HEPH: variants seen among roughly 807,000 people sequenced by gnomAD.
HEPH encodes the protein hephaestin.
In HEPH, 69 loss-of-function variants were observed where a neutral mutation model predicts 80.8. The observed-to-expected ratio is 0.85, with a 90% CI of 0.70 to 1.04. The LOEUF (loss-of-function observed/expected upper bound fraction) is 1.04. HEPH is among the 50% of genes least tolerant of loss of function. HEPH has a pLI of 0.00. For missense variants in HEPH, 1,115 were observed against 891.3 expected (o/e 1.25, Z -3.20); for synonymous variants, 431 against 322.8 (o/e 1.34, Z -3.60).
chrX:66,206,932 G>T (rs182276495), intron 13 of HEPH, among the ~76,000 whole-genome samples: 1 of 109,954 alleles, frequency 9.1e-6, no homozygotes, highest in Non-Finnish European at 1.9e-5. Context: ...CAGGATAATC[G>T]CTTGAACTCG....
intron 4 of HEPH, among the ~76,000 whole-genome samples, chrX:66,186,860 T>G (rs190849953): frequency 9.0e-4 from 101 of 111,729 alleles, no homozygotes; most frequent in Non-Finnish European, 1.7e-3. Context: ...GGAATACCAA[T>G]TATTCTTTAG....
rs141458617 is a variant in HEPH, at chrX:66,189,908, A to G, written c.1033A>G (p.Ile345Val). Residue 345 changes from isoleucine (I) to valine (V), a missense_variant, in exon 6 of 21, where the codon ATT (isoleucine) becomes GTT (valine). Around this residue, in one of 3 missense-constraint regions of HEPH, gnomAD observed 391 missense variants for 343.6 expected, o/e 1.14. Coordinates refer to ENST00000343002, the MANE Select transcript of HEPH (RefSeq NM_001367233.3). Reference protein sequence around the residue: ...MVPWEPGTWLISCQVNSHFRD... With the variant: ...MVPWEPGTWLVSCQVNSHFRD... ...GCCCTGGGAACCTGGTACCTGGTTA[A>G]TTAGCTGCCAAGTGAACAGTCACTT... 281 of 1,185,276 alleles carry G rather than the reference A, an allele frequency of 2.4e-4. 1 individual carries two copies. In the East Asian group the frequency reaches 5.4e-3, roughly 23 times the overall value.
chrX:66,217,509 A>G (rs1403866900), intron 15 of HEPH, among the ~76,000 whole-genome samples: 1 of 111,830 alleles, frequency 8.9e-6, no homozygotes. Context: ...CTACCAAGTC[A>G]GCACTACAAG....
intron 15 of HEPH, among the ~76,000 whole-genome samples, chrX:66,224,598 C>T (rs185417953): frequency 1.6e-4 from 18 of 112,122 alleles, no homozygotes; most frequent in Admixed American, 4.7e-4. Context: ...GCTCTTGCTG[C>T]TATAGATTGA....
intron 13 of HEPH, 22 bp downstream of exon 13, chrX:66,203,599 G>A (rs1602326366): frequency 1.5e-5 from 17 of 1,170,142 alleles, no homozygotes; most frequent in Non-Finnish European, 1.7e-5. Flanking sequence ...TAAATGGAGA[G>A]ATTACACTTT....
chrX:66,231,083 T>C (rs992265203), intron 15 of HEPH, among the ~76,000 whole-genome samples: 8 of 109,427 alleles, frequency 7.3e-5, no homozygotes, highest in Non-Finnish European at 1.1e-4. Context: ...GATCAGATAG[T>C]TGTAGGTATG....
intron 17 of HEPH, among the ~76,000 whole-genome samples, chrX:66,258,256 T>G (rs1452736792): frequency 8.9e-6 from 1 of 111,836 alleles, no homozygotes; most frequent in Non-Finnish European, 1.9e-5. Flanking sequence ...ATGCAGACAG[T>G]ACTGGAGGAG....
chrX:66,176,416 G>A (rs767583529), intron 4 of HEPH, among the ~76,000 whole-genome samples: 2 of 111,509 alleles, frequency 1.8e-5, no homozygotes, highest in Admixed American at 9.5e-5. Context: ...TTGTTATGTT[G>A]TTGGATTCCA....
intron 15 of HEPH, among the ~76,000 whole-genome samples, chrX:66,217,121 G>A (rs993534054): frequency 5.4e-5 from 6 of 111,238 alleles, no homozygotes; most frequent in Non-Finnish European, 1.1e-4. Context: ...GGGAATAATA[G>A]AGGAACATTT....
At chrX:66,193,423 C>A in intron 7 of HEPH, 79 bp from the exon 8 acceptor site, 1 of 627,300 alleles carries the variant, frequency 1.6e-6, no homozygotes, top group Non-Finnish European at 2.3e-6. Context: ...AGATTCATAA[C>A]TTGGTGAGAC....
At position 66,170,726 on chromosome X, in the gene HEPH, G is replaced by C. The variant is rs763870924; in HGVS notation, c.156G>C (p.Leu52=). 1.3e-4 allele frequency: 162 copies of C among 1,206,554 alleles called. No homozygotes were observed. Among genetic ancestry groups the C allele is most frequent in the Non-Finnish European group, 1.8e-4 (157 of 893,012 alleles). ...GAAATGTCATCACGAACCAGCCTCT[G>C]GACAGTGACATGTAGGTTTAATTTC... ...KGRNVITNQP[L]DSDIVASSFL... is the part of the protein sequence containing the mutation. Residue 52 remains leucine (L), a synonymous_variant, in exon 2 of 21, where the codon CTG becomes CTC. Transcript: ENST00000343002.
Position 66,224,409 on chromosome X carries a change from G to T in HEPH, c.2563+16163G>T, listed in dbSNP as rs191841551. 2.9e-3 allele frequency among the ~76,000 whole-genome samples: 314 copies of T among 110,028 alleles called. 1 individual carries two copies. Among genetic ancestry groups the T allele is most frequent in the African/African-American group, 1.0e-2 (301 of 30,184 alleles). On this transcript the variant is annotated intron_variant, in intron 15 of 20. Transcript: ENST00000343002. ...TCCTCCTAGGTCTGGTTGGAACTTTGTATGGTAATTAAGATTTAGTTCCCC... is the reference window on the plus strand; with the variant it reads ...TCCTCCTAGGTCTGGTTGGAACTTTTTATGGTAATTAAGATTTAGTTCCCC...
intron 15 of HEPH, among the ~76,000 whole-genome samples, chrX:66,208,794 A>G (rs1210212650): frequency 9.5e-6 from 1 of 105,561 alleles, no homozygotes; most frequent in African/African-American, 3.4e-5. Flanking sequence ...CTTGGCTAAT[A>G]TTCCTGTTTC....
intron 1 of HEPH, among the ~76,000 whole-genome samples, chrX:66,166,709 G>A (rs1176209082): frequency 8.9e-6 from 1 of 111,959 alleles, no homozygotes; most frequent in East Asian, 2.8e-4. Context: ...TAGATATAGA[G>A]TAAAACAGTA....
intron 20 of HEPH, among the ~76,000 whole-genome samples, chrX:66,265,615 T>A (rs1020470038): frequency 1.7e-4 from 19 of 111,082 alleles, no homozygotes; most frequent in African/African-American, 6.2e-4. Flanking sequence ...AGAACAATTG[T>A]CTAATGAAAT....
At chrX:66,206,691 A>T (rs1038666819) in intron 13 of HEPH, among the ~76,000 whole-genome samples, 3 of 109,799 alleles carry the variant, frequency 2.7e-5, no homozygotes, top group Admixed American at 2.0e-4. Flanking sequence ...AATTGTGGTT[A>T]TGCAGCCAAT....
intron 15 of HEPH, among the ~76,000 whole-genome samples, chrX:66,214,758 A>G (rs780866743): frequency 9.1e-6 from 1 of 110,349 alleles, no homozygotes; most frequent in Non-Finnish European, 1.9e-5. Context: ...AAACCATTCA[A>G]CTTTCCCCCC....
At position 66,197,818 on chromosome X, in the gene HEPH, T is replaced by G; in HGVS notation, c.1637T>G (p.Ile546Arg). Reference sequence around the variant, plus strand: ...ATGTACTTCTCTGCTGCAGATCCCATAAGAGACACAAATTCTGGCCTGGTG... The same window carrying G: ...ATGTACTTCTCTGCTGCAGATCCCAGAAGAGACACAAATTCTGGCCTGGTG... The part of the protein sequence containing the change: ...TWMYFSAADP[I>R]RDTNSGLVGP... Residue 546 changes from isoleucine to arginine, a missense_variant, in exon 10 of 21, where the codon ATA becomes AGA. Physicochemically the swap from Ile to Arg is moderately conservative, Grantham distance 97. Coordinates refer to ENST00000343002, the MANE Select transcript of HEPH (RefSeq NM_001367233.3). 1 of 1,210,965 alleles carries G rather than the reference T, an allele frequency of 8.3e-7. No homozygotes were observed. Among genetic ancestry groups the G allele is most frequent in the Non-Finnish European group, 1.1e-6 (1 of 895,141 alleles).
intron 5 of HEPH, among the ~76,000 whole-genome samples, chrX:66,188,751 A>G (rs1279328803): frequency 8.9e-6 from 1 of 112,320 alleles, no homozygotes; most frequent in Non-Finnish European, 1.9e-5. Flanking sequence ...CTAAAATTCC[A>G]ACCTTGGTCT....
Sources: gnomAD v4.1 joint callset for allele counts (sites outside exome capture counted in the v4.1 genomes callset) on GRCh38, gnomAD v4.1.1 for gene constraint, gnomAD v4.1.1 regional missense constraint, MANE v1.5 for transcripts, NCBI Gene and HGNC (gene_info 2026-07-23, HGNC 2026-07-21) for gene names.